The following ZDHHC4 variants were observed in gnomAD, a reference collection of about 807,000 sequenced individuals.
ZDHHC4 encodes the protein palmitoyltransferase ZDHHC4.
ZDHHC4 carries 42 observed loss-of-function variants against 36.7 expected under a neutral mutation model. The ratio of observed to expected loss-of-function variants is 1.14; its 90% confidence interval spans 0.89 to 1.48. ZDHHC4 has a LOEUF of 1.48. ZDHHC4 is among the 40% of genes most tolerant of loss of function. ZDHHC4 has a pLI of 0.00. For synonymous variants in ZDHHC4, 189 were observed against 166.6 expected, an observed-to-expected ratio of 1.13 and a Z score of -1.03; for missense variants, 457 against 421.5, an observed-to-expected ratio of 1.08 and a Z score of -0.74.
Position 6,580,594 on chromosome 7 carries a change from G to C in ZDHHC4, c.33G>C (p.Leu11=), listed in dbSNP as rs1221421599. 1.9e-6 allele frequency: 3 copies of C among 1,614,126 alleles called. No homozygotes were observed. Among genetic ancestry groups the C allele is most frequent in the African/African-American group, 2.7e-5 (2 of 75,026 alleles). The change falls in exon 3 of 8, where the codon CTG becomes CTC. Residue 11 remains leucine (L), a synonymous_variant. Coordinates refer to ENST00000335965, the MANE Select transcript of ZDHHC4 (RefSeq NM_001134389.2). ...TTCTGGTCCTCTTCTTGTTCTACCT[G>C]GCTTCGGTGCTGATGGGTCTTGTTC... The part of the protein sequence containing the change: MDFLVLFLFY[L]ASVLMGLVLI...
chr7:6,578,747 G>A (rs1169650046), intron 2 of ZDHHC4, 27 bp downstream of exon 2: 1 of 152,214 alleles, frequency 6.6e-6, no homozygotes, highest in Non-Finnish European at 1.5e-5. Flanking sequence ...GAATCACCCC[G>A]TGAGAATTGC....
intron 2 of ZDHHC4, among the ~76,000 whole-genome samples, chr7:6,579,941 G>C (rs1407313749): frequency 3.3e-5 from 5 of 151,876 alleles, no homozygotes; most frequent in African/African-American, 1.2e-4. Context: ...TTCGAGACCA[G>C]CCTGGCCAAC....
rs201393841 is a variant in ZDHHC4, at chr7:6,588,838, T to C, written c.963T>C (p.His321=). Residue 321 remains histidine (H), a synonymous_variant, in exon 8 of 8, where the codon CAT becomes CAC. Coordinates refer to ENST00000335965, the MANE Select transcript of ZDHHC4 (RefSeq NM_001134389.2). ...EPQVHRNIHS[H]GLRSNLQEIF... ...AAGTCCACCGGAACATTCACTCCCA[T>C]GGGCTTCGGAGCAACCTTCAAGAGA... is the stretch of plus-strand genomic sequence containing the variant. 1.9e-6 allele frequency: 3 copies of C among 1,614,164 alleles called. No individual in the cohort carries two copies. The highest frequency in any genetic ancestry group is 1.3e-5 in the African/African-American group (1 of 75,058).
rs1046162202 is a variant in ZDHHC4, at chr7:6,588,736, T to C, written c.861T>C (p.Thr287=). The C allele has an allele frequency of 1.9e-6, 3 of 1,614,234 alleles. No individual in the cohort carries two copies. The highest frequency in any genetic ancestry group is 1.7e-6 in the Non-Finnish European group (2 of 1,180,034). ...VLYLAATNQT[T]NEWYRGDWAW... ...ATCTGGCGGCCACCAACCAGACTAC[T>C]AACGAGTGGTACAGAGGTGACTGGG... Residue 287 remains threonine (T), a synonymous_variant, in exon 8 of 8, where the codon ACT becomes ACC. Transcript: ENST00000335965.
intron 5 of ZDHHC4, 62 bp downstream of exon 5, chr7:6,582,313 C>A: frequency 1.4e-6 from 2 of 1,454,568 alleles, no homozygotes; most frequent in Non-Finnish European, 1.9e-6. Flanking sequence ...AATAGTGCTG[C>A]AAACAAGGAG....
chr7:6,585,399 G>A (rs1302136389), intron 7 of ZDHHC4, 139 bp downstream of exon 7: 2 of 1,226,516 alleles, frequency 1.6e-6, no homozygotes, highest in South Asian at 1.5e-5. Flanking sequence ...CGAGGTGGGA[G>A]GATCGCATGA....
At chr7:6,578,498 C>A (rs1330447586) in intron 1 of ZDHHC4, 68 bp from the exon 2 acceptor site, 1 of 152,232 alleles carries the variant, frequency 6.6e-6, no homozygotes, top group Admixed American at 6.6e-5. Flanking sequence ...TCCTTTTCCA[C>A]AGGTATTCTG....
intron 4 of ZDHHC4, 32 bp from the exon 5 acceptor site, chr7:6,582,041 C>G (rs1562540776): frequency 3.1e-6 from 5 of 1,595,690 alleles, no homozygotes; most frequent in African/African-American, 1.3e-5. Context: ...AGAAGAAACC[C>G]CCATGAACAA....
chr7:6,587,758 G>A (rs1458318421), intron 7 of ZDHHC4, among the ~76,000 whole-genome samples: 9 of 152,270 alleles, frequency 5.9e-5, no homozygotes, highest in African/African-American at 7.2e-5. Context: ...AGTGGCTCAC[G>A]CCTGTAATCC....
intron 3 of ZDHHC4, 91 bp downstream of exon 3, chr7:6,580,769 C>G: frequency 1.6e-6 from 2 of 1,273,878 alleles, no homozygotes; most frequent in South Asian, 1.2e-5. Context: ...AAAGAGATGC[C>G]AGGCCGGGTG....
chr7:6,587,631 A>G (rs1781330396), intron 7 of ZDHHC4, among the ~76,000 whole-genome samples: 1 of 152,192 alleles, frequency 6.6e-6, no homozygotes, highest in Non-Finnish European at 1.5e-5. Flanking sequence ...TCTTTTCACA[A>G]TCAGTACATA....
intron 7 of ZDHHC4, among the ~76,000 whole-genome samples, chr7:6,587,959 G>A (rs889776130): frequency 2.6e-5 from 4 of 152,174 alleles, no homozygotes; most frequent in Admixed American, 1.3e-4. Flanking sequence ...TTCACCGCCC[G>A]GGTTGAAGCA....
At chr7:6,582,999 C>A (rs1458849351) in intron 5 of ZDHHC4, among the ~76,000 whole-genome samples, 2 of 151,890 alleles carry the variant, frequency 1.3e-5, no homozygotes, top group African/African-American at 4.8e-5. Context: ...GGTGAAACCC[C>A]ATCTGTATTA....
Position 6,588,688 on chromosome 7 carries a change from T to TG in ZDHHC4, c.815dup (p.Tyr273LeufsTer16), listed in dbSNP as rs1390107187. The TG allele has an allele frequency of 1.2e-6, 2 of 1,614,102 alleles. No individual in the cohort carries two copies. Among genetic ancestry groups the TG allele is most frequent in the Non-Finnish European group, 1.7e-6 (2 of 1,180,050 alleles). ...TCGTGGTTCTGAGCTTCCTCCTGGG[T>TG]GGCTACCTGTTGTTTGTCCTGTATC... On this transcript the variant is annotated frameshift_variant, in exon 8 of 8. Coordinates refer to ENST00000335965, the MANE Select transcript of ZDHHC4 (RefSeq NM_001134389.2). LOFTEE classifies it high-confidence loss of function.
chr7:6,580,190 A>G (rs1780742525), intron 2 of ZDHHC4, among the ~76,000 whole-genome samples: 1 of 151,980 alleles, frequency 6.6e-6, no homozygotes, highest in South Asian at 2.1e-4. Context: ...AAATTGAGAC[A>G]GGGCCTCACT....
Position 6,581,667 on chromosome 7 carries a change from C to A in ZDHHC4, c.178C>A (p.Leu60Ile), listed in dbSNP as rs1444419041. ...QRAVHGLLHY[L>I]FHTRNHTFIV... ...AGCCGTGCATGGATTGCTTCATTAC[C>A]TTTTCCATACGAGGTATTTCTCTTT... Residue 60 changes from leucine (L) to isoleucine (I), a missense_variant, in exon 4 of 8, where the codon CTT becomes ATT. By Grantham distance (5) the Leu-to-Ile change is conservative. Coordinates refer to ENST00000335965, the MANE Select transcript of ZDHHC4 (RefSeq NM_001134389.2). 1 of 1,606,712 alleles carries A rather than the reference C, an allele frequency of 6.2e-7. No individual in the cohort carries two copies. Among genetic ancestry groups the A allele is most frequent in the Non-Finnish European group, 8.5e-7 (1 of 1,174,080 alleles).
At chr7:6,579,338 T>C (rs757704256) in intron 2 of ZDHHC4, among the ~76,000 whole-genome samples, 24 of 152,006 alleles carry the variant, frequency 1.6e-4, no homozygotes, top group Non-Finnish European at 3.1e-4. Context: ...GTCGCTGGGA[T>C]TACAGGCATG....
intron 7 of ZDHHC4, among the ~76,000 whole-genome samples, chr7:6,587,399 C>T: frequency 6.6e-6 from 1 of 152,110 alleles, no homozygotes; most frequent in East Asian, 1.9e-4. Context: ...AGAAAGTCTC[C>T]TCCATCAGGA....
At chr7:6,580,470 C>T in intron 2 of ZDHHC4, 85 bp from the exon 3 acceptor site, 1 of 1,094,608 alleles carries the variant, frequency 9.1e-7, no homozygotes, top group South Asian at 1.3e-5. Flanking sequence ...TTTTGGTAGC[C>T]ATTTGGGAGT....
Sources: gnomAD v4.1 joint callset for allele counts (sites outside exome capture counted in the v4.1 genomes callset) on GRCh38, gnomAD v4.1.1 for gene constraint, MANE v1.5 for transcripts, NCBI Gene and HGNC (gene_info 2026-07-23, HGNC 2026-07-21) for gene names.